The following CAPN13 variants were observed in gnomAD, a reference collection of about 807,000 sequenced individuals.
CAPN13 encodes calpain 13.
CAPN13 carries 90 observed loss-of-function variants against 98.4 expected under a neutral mutation model. The ratio of observed to expected loss-of-function variants is 0.92; its 90% CI spans 0.77 to 1.09. CAPN13 has a LOEUF of 1.09. Ranked by LOEUF, CAPN13 falls within the 50% of genes least tolerant of loss-of-function variation. CAPN13 has a pLI of 0.00. For missense variants in CAPN13, 887 were observed against 841.3 expected, an observed-to-expected ratio of 1.05 and a Z score of -0.67; for synonymous variants, 330 against 305.5, an observed-to-expected ratio of 1.08 and a Z score of -0.84.
intron 8 of CAPN13, among the ~76,000 whole-genome samples, chr2:30,757,082 C>A (rs1262618547): frequency 6.6e-6 from 1 of 152,210 alleles, no homozygotes; most frequent in Non-Finnish European, 1.5e-5. Context: ...GTGCTGGGCT[C>A]GTTCCTGTTC....
intron 2 of CAPN13, among the ~76,000 whole-genome samples, chr2:30,785,966 CA>C (rs991387760): frequency 3.2e-4 from 48 of 152,270 alleles, no homozygotes; most frequent in African/African-American, 1.1e-3. Context: ...AGCAGCATCC[CA>C]AACCCTACCT....
intron 20 of CAPN13, among the ~76,000 whole-genome samples, chr2:30,731,838 A>T (rs1271922306): frequency 2.0e-5 from 3 of 152,188 alleles, no homozygotes; most frequent in Non-Finnish European, 4.4e-5. Context: ...CTTTTTGCCC[A>T]GCTCAGAGCT....
intron 4 of CAPN13, among the ~76,000 whole-genome samples, chr2:30,775,087 A>G (rs943787176): frequency 6.6e-6 from 1 of 152,222 alleles, no homozygotes; most frequent in African/African-American, 2.4e-5. Flanking sequence ...TGCAGATAAT[A>G]TTATTAGATA....
intron 15 of CAPN13, among the ~76,000 whole-genome samples, chr2:30,738,885 A>ATGTG (rs140991906): frequency 6.6e-6 from 1 of 150,542 alleles, no homozygotes; most frequent in Non-Finnish European, 1.5e-5. Context: ...TGTTGTGTGT[A>ATGTG]TGTGTGTGTG....
intron 9 of CAPN13, among the ~76,000 whole-genome samples, chr2:30,753,963 G>A (rs527822872): frequency 6.6e-6 from 1 of 152,200 alleles, no homozygotes; most frequent in East Asian, 1.9e-4. Context: ...CCAGCAAGAT[G>A]GTACAGAGGA....
rs1340593581 is a variant in CAPN13, at chr2:30,775,444, C to T, written c.387+486G>A. 2.0e-5 allele frequency among the ~76,000 whole-genome samples: 3 copies of T among 152,102 alleles called. No homozygotes were observed. The East Asian group carries it at 5.8e-4, about 29-fold the overall frequency. ...CTAAATTAATACATAAATGCTGCTG[C>T]ATTGTGTATCACAGTGGCTTTTTTT... On this transcript the variant is annotated intron_variant, in intron 4 of 22. Transcript: ENST00000295055.
intron 17 of CAPN13, chr2:30,737,668 A>T (rs1238394173): frequency 6.3e-6 from 1 of 158,008 alleles, no homozygotes; most frequent in Admixed American, 6.0e-5. Context: ...GGTGGTAGTT[A>T]TCTTGATTGA....
chr2:30,802,034 C>T (rs765028531), intron 1 of CAPN13, among the ~76,000 whole-genome samples: 2 of 152,186 alleles, frequency 1.3e-5, no homozygotes, highest in Non-Finnish European at 2.9e-5. Context: ...GACAGTAGAG[C>T]CGGCTGATGG....
intron 8 of CAPN13, 76 bp from the exon 9 acceptor site, chr2:30,754,440 A>C (rs900216818): frequency 2.1e-4 from 255 of 1,221,988 alleles, no homozygotes; most frequent in Non-Finnish European, 2.8e-4. Context: ...GTCAACAGGG[A>C]CCCTCTGTAC....
At chr2:30,727,088 G>A (rs549176046) in intron 22 of CAPN13, among the ~76,000 whole-genome samples, 4 of 152,256 alleles carry the variant, frequency 2.6e-5, no homozygotes, top group African/African-American at 9.6e-5. Flanking sequence ...AGAAACAGGA[G>A]AATGAATAGT....
chr2:30,799,577 T>G (rs1675067913), intron 1 of CAPN13, among the ~76,000 whole-genome samples: 1 of 152,134 alleles, frequency 6.6e-6, no homozygotes, highest in Non-Finnish European at 1.5e-5. Context: ...GCCCCCAGCT[T>G]CAAAGCTGGG....
chr2:30,806,626 C>G (rs930573361), intron 1 of CAPN13, among the ~76,000 whole-genome samples: 1 of 152,194 alleles, frequency 6.6e-6, no homozygotes. Flanking sequence ...ATCTGGTTAA[C>G]TTGGGTCCAA....
chr2:30,737,956 G>T, intron 17 of CAPN13: 1 of 424,500 alleles, frequency 2.4e-6, no homozygotes, highest in Non-Finnish European at 4.2e-6. Flanking sequence ...ATTGCTTCAA[G>T]AATTATAAGG....
intron 17 of CAPN13, 136 bp from the exon 18 acceptor site, chr2:30,736,707 C>A: frequency 1.4e-6 from 1 of 738,906 alleles, no homozygotes; most frequent in East Asian, 2.7e-5. Flanking sequence ...TGGCCCCATG[C>A]CAGCTGGCTC....
chr2:30,748,572 T>C (rs551589219), intron 11 of CAPN13, among the ~76,000 whole-genome samples: 2 of 151,896 alleles, frequency 1.3e-5, no homozygotes, highest in Non-Finnish European at 1.5e-5. Flanking sequence ...GAGGGGGAGA[T>C]GAAGGGAGCA....
chr2:30,748,296 G>A (rs1038918621), intron 11 of CAPN13, among the ~76,000 whole-genome samples: 1 of 152,114 alleles, frequency 6.6e-6, no homozygotes, highest in Non-Finnish European at 1.5e-5. Flanking sequence ...TGGAAAATCT[G>A]AGGGTCCTCT....
intron 1 of CAPN13, among the ~76,000 whole-genome samples, chr2:30,803,946 G>A (rs920722136): frequency 2.5e-4 from 38 of 152,216 alleles, no homozygotes; most frequent in Admixed American, 1.9e-3. Flanking sequence ...GTTGTTTCCC[G>A]GGAGAATGAG....
At chr2:30,734,629 G>A (rs563317128) in intron 18 of CAPN13, 105 bp from the exon 19 acceptor site, 30 of 855,252 alleles carry the variant, frequency 3.5e-5, no homozygotes, top group Middle Eastern at 4.4e-4. Context: ...AGGAAGGCAC[G>A]GTCACAGCAC....
chr2:30,803,850 GC>G (rs1408168593), intron 1 of CAPN13, among the ~76,000 whole-genome samples: 1 of 152,154 alleles, frequency 6.6e-6, no homozygotes, highest in Non-Finnish European at 1.5e-5. Context: ...ATTACAAGAG[GC>G]TGGGAGACTC....
Sources: allele counts gnomAD v4.1 joint callset (sites outside exome capture counted in the v4.1 genomes callset), GRCh38; gene constraint gnomAD v4.1.1; transcripts MANE v1.5; gene names NCBI Gene and HGNC (gene_info 2026-07-23, HGNC 2026-07-21).